The following SLC30A6 variants were observed in gnomAD, a reference collection of about 807,000 sequenced individuals.
SLC30A6 encodes the protein zinc transporter 6.
Under a neutral mutation model 63.0 loss-of-function variants are expected in SLC30A6, and 55 were observed. The ratio of observed to expected loss-of-function variants is 0.87; its 90% CI spans 0.70 to 1.09. The LOEUF is 1.09. Among genes scored for constraint, SLC30A6 ranks in the 50% least tolerant of loss-of-function variants. SLC30A6 has a pLI of 0.00. For missense variants in SLC30A6, 587 were observed against 549.2 expected, an observed-to-expected ratio of 1.07 and a Z score of -0.69; for synonymous variants, 224 against 186.1, an observed-to-expected ratio of 1.20 and a Z score of -1.66.
chr2:32,173,026 A>C (rs1355880219), intron 2 of SLC30A6, among the ~76,000 whole-genome samples: 2 of 152,200 alleles, frequency 1.3e-5, no homozygotes, highest in Non-Finnish European at 2.9e-5. Context: ...TTGCCTACTG[A>C]AAGATGATGT....
intron 5 of SLC30A6, among the ~76,000 whole-genome samples, chr2:32,185,794 A>G (rs1364999900): frequency 2.0e-5 from 3 of 152,008 alleles, no homozygotes; most frequent in Non-Finnish European, 4.4e-5. Flanking sequence ...ATCTGGGCTC[A>G]CTGCAGGCTC....
intron 8 of SLC30A6, among the ~76,000 whole-genome samples, chr2:32,195,962 A>G (rs1408215478): frequency 2.6e-5 from 4 of 152,034 alleles, no homozygotes; most frequent in Non-Finnish European, 5.9e-5. Flanking sequence ...AGGTGGTTGT[A>G]TTGCTTGAGT....
Position 32,223,241 on chromosome 2 carries a change from C to T in SLC30A6, c.*2528C>T, listed in dbSNP as rs1211005884. 1.3e-5 allele frequency: 2 copies of T among 152,234 alleles called. No individual in the cohort carries two copies. Among genetic ancestry groups the T allele is most frequent in the African/African-American group, 2.4e-5 (1 of 41,468 alleles). 9.4% of individuals were successfully genotyped at this position (152,234 alleles called of 1,614,324 possible). A position where few individuals can be genotyped will look rare whatever the true frequency, so the allele number is the denominator to read the frequency against. ...ACTAGTAAATCTTGCCACAGAATCA[C>T]TTGAAGCTAGACAGAGAAAGAAGTT... is the stretch of plus-strand genomic sequence containing the variant. On this transcript the variant is annotated 3_prime_UTR_variant, in exon 14 of 14. Coordinates refer to ENST00000282587, the MANE Select transcript of SLC30A6 (RefSeq NM_017964.5).
Position 32,176,156 on chromosome 2 carries a change from A to G in SLC30A6, c.218+795A>G, listed in dbSNP as rs1035453550. 2.6e-5 allele frequency among the ~76,000 whole-genome samples: 4 copies of G among 152,086 alleles called. No homozygotes were observed. The East Asian group carries it at 7.7e-4, about 29-fold the overall frequency. ...ACCAAGAAAAAGAAAAGGAAGAAAA[A>G]AATTATAATTCATACAGAGAGTTTA... is the stretch of plus-strand genomic sequence containing the variant. On this transcript the variant is annotated intron_variant, in intron 4 of 13. Transcript: ENST00000282587.
At chr2:32,202,753 A>G in intron 10 of SLC30A6, 1 of 705,820 alleles carries the variant, frequency 1.4e-6, no homozygotes, top group Non-Finnish European at 2.6e-6. Flanking sequence ...GATTCTGAAG[A>G]CAGTCCTCAG....
Position 32,184,289 on chromosome 2 carries a change from A to G in SLC30A6, c.235A>G (p.Ile79Val), listed in dbSNP as rs1416078253. The G allele has an allele frequency of 1.3e-6, 2 of 1,547,380 alleles. No individual in the cohort carries two copies. Among genetic ancestry groups the G allele is most frequent in the East Asian group, 2.3e-5 (1 of 43,338 alleles). ...TTTACTTAGTTTAATGACATGTTTA[A>G]TAAGTTACTGGGTAACATTGAGGAA... ...FDLFSLMTCLISYWVTLRKPS... is the reference protein window; with the variant it reads ...FDLFSLMTCLVSYWVTLRKPS... The change falls in exon 5 of 14, where the codon ATA becomes GTA. Residue 79 changes from isoleucine to valine, a missense_variant. By Grantham distance (29) the Ile-to-Val change is conservative. Transcript: ENST00000282587.
intron 4 of SLC30A6, among the ~76,000 whole-genome samples, chr2:32,176,111 C>A (rs1387485018): frequency 6.6e-6 from 1 of 151,722 alleles, no homozygotes. Flanking sequence ...ATTTGAAGGG[C>A]CCTACAATTT....
At chr2:32,189,940 A>G (rs567893833) in intron 5 of SLC30A6, among the ~76,000 whole-genome samples, 1 of 152,010 alleles carries the variant, frequency 6.6e-6, no homozygotes, top group Non-Finnish European at 1.5e-5. Flanking sequence ...TATGGTATGC[A>G]GTGGTATTTC....
At chr2:32,198,330 G>T (rs1447591916) in intron 10 of SLC30A6, among the ~76,000 whole-genome samples, 1 of 152,088 alleles carries the variant, frequency 6.6e-6, no homozygotes, top group Non-Finnish European at 1.5e-5. Flanking sequence ...AAAATCACAT[G>T]CAAGTATTTG....
chr2:32,203,767 G>T (rs1287898851), intron 10 of SLC30A6: 23 of 1,502,386 alleles, frequency 1.5e-5, no homozygotes, highest in Middle Eastern at 1.7e-4. Context: ...GATATTCTCA[G>T]TGCCAGCCAA....
chr2:32,196,332 A>G (rs1683787709), intron 8 of SLC30A6, among the ~76,000 whole-genome samples: 3 of 152,122 alleles, frequency 2.0e-5, no homozygotes, highest in Admixed American at 1.3e-4. Flanking sequence ...AAAAAAAAAG[A>G]AAAAAGATTT....
intron 10 of SLC30A6, chr2:32,203,825 C>A (rs547460378): frequency 8.4e-6 from 12 of 1,428,842 alleles, no homozygotes; most frequent in Middle Eastern, 1.8e-4. Flanking sequence ...TCTTCTAATT[C>A]CAGACAGAGG....
chr2:32,169,505 G>A (rs900361584), intron 1 of SLC30A6, among the ~76,000 whole-genome samples: 9 of 152,162 alleles, frequency 5.9e-5, no homozygotes, highest in African/African-American at 2.2e-4. Flanking sequence ...TTGGCTGGGT[G>A]CGGTGGCTCA....
At chr2:32,186,210 GTT>G (rs2148835213) in intron 5 of SLC30A6, among the ~76,000 whole-genome samples, 1 of 152,172 alleles carries the variant, frequency 6.6e-6, no homozygotes, top group East Asian at 1.9e-4. Context: ...AATTTTTATA[GTT>G]TTAGTAGAGA....
At chr2:32,202,034 A>AG in intron 10 of SLC30A6, 7 of 1,055,110 alleles carry the variant, frequency 6.6e-6, no homozygotes, top group Non-Finnish European at 9.7e-6. Context: ...AAAAAAAAAA[A>AG]GCAAGTATCA....
Position 32,165,873 on chromosome 2 carries a change from T to G in SLC30A6, c.-28T>G. ...GAAAACTCGAGCACCCAGAACGGCT[T>G]CCGGCGGGAGCTGTGCAGCTCCTTA... On this transcript the variant is annotated 5_prime_UTR_variant, in exon 1 of 14. Coordinates refer to ENST00000282587, the MANE Select transcript of SLC30A6 (RefSeq NM_017964.5). 1.9e-6 allele frequency: 3 copies of G among 1,614,008 alleles called. No individual in the cohort carries two copies. Among genetic ancestry groups the G allele is most frequent in the Non-Finnish European group, 2.5e-6 (3 of 1,179,900 alleles).
chr2:32,192,130 T>A (rs990948993), intron 5 of SLC30A6, among the ~76,000 whole-genome samples: 3 of 152,052 alleles, frequency 2.0e-5, no homozygotes, highest in Non-Finnish European at 2.9e-5. Context: ...TCCTAGGAAT[T>A]GTACAAATAG....
intron 8 of SLC30A6, among the ~76,000 whole-genome samples, chr2:32,195,583 G>A (rs529276899): frequency 1.1e-4 from 16 of 151,238 alleles, no homozygotes; most frequent in African/African-American, 3.4e-4. Flanking sequence ...TAAATTCCCC[G>A]AGAAGGAATT....
At chr2:32,220,062 C>G in intron 13 of SLC30A6, 151 bp from the exon 14 acceptor site, 1 of 775,774 alleles carries the variant, frequency 1.3e-6, no homozygotes, top group Non-Finnish European at 2.0e-6. Context: ...TAATCACCAG[C>G]AAGTAGTCTT....
Sources: gnomAD v4.1 joint callset for allele counts (sites outside exome capture counted in the v4.1 genomes callset) on GRCh38, gnomAD v4.1.1 for gene constraint, MANE v1.5 for transcripts, NCBI Gene and HGNC (gene_info 2026-07-23, HGNC 2026-07-21) for gene names.